The following TEX26 variants were observed in gnomAD, a reference collection of about 807,000 sequenced individuals.
The protein encoded by TEX26 is testis expressed 26, also known as testis-expressed protein 26.
A neutral mutation model predicts 35.3 loss-of-function variants in TEX26; 34 were observed. The ratio of observed to expected loss-of-function variants is 0.96; its 90% CI spans 0.73 to 1.28. The LOEUF (loss-of-function observed/expected upper bound fraction) is 1.28. Among genes scored for constraint, TEX26 ranks in the 50% most tolerant of loss-of-function variants. TEX26 has a pLI of 0.00. For missense variants in TEX26, 371 were observed against 330.1 expected, an observed-to-expected ratio of 1.12 and a Z score of -0.96; for synonymous variants, 136 against 111.8, an observed-to-expected ratio of 1.22 and a Z score of -1.36.
intron 2 of TEX26, among the ~76,000 whole-genome samples, chr13:30,947,824 G>T (rs540428271): frequency 2.2e-4 from 33 of 151,688 alleles, no homozygotes; most frequent in Middle Eastern, 3.4e-3. Context: ...GTGCCGTGTT[G>T]GTGTGCTGCA....
At chr13:30,957,088 T>C in intron 4 of TEX26, 59 bp downstream of exon 4, 1 of 1,549,132 alleles carries the variant, frequency 6.5e-7, no homozygotes, top group Non-Finnish European at 8.8e-7. Context: ...GGAGTTGCAG[T>C]GGTCGGCAGC....
intron 4 of TEX26, among the ~76,000 whole-genome samples, chr13:30,958,258 A>C (rs1227288771): frequency 6.6e-6 from 1 of 152,222 alleles, no homozygotes; most frequent in Non-Finnish European, 1.5e-5. Context: ...TCCAGAAATG[A>C]CATATTTGGT....
Position 30,932,732 on chromosome 13 carries a change from C to G in TEX26, c.17C>G (p.Pro6Arg). The G allele has an allele frequency of 3.1e-6, 5 of 1,613,758 alleles. No individual in the cohort carries two copies. The highest frequency in any genetic ancestry group is 4.2e-6 in the Non-Finnish European group (5 of 1,179,982). Reference protein sequence around the residue: MEQPGPRAPDPSLCHH... With the variant: MEQPGRRAPDPSLCHH... ...TGGGGCAGAATGGAACAGCCTGGGC[C>G]CAGGGCTCCGGATCCCTCTCTCTGC... Residue 6 changes from proline to arginine, a missense_variant, in exon 1 of 7, where the codon CCC becomes CGC. Pro to Arg is a moderately radical substitution (Grantham distance 103). Coordinates refer to ENST00000380473, the MANE Select transcript of TEX26 (RefSeq NM_152325.3).
intron 4 of TEX26, among the ~76,000 whole-genome samples, chr13:30,965,190 G>A (rs1289656985): frequency 2.0e-4 from 31 of 152,112 alleles, no homozygotes; most frequent in Admixed American, 2.0e-3. Context: ...GAGGCAACAT[G>A]TACTGGAATC....
intron 6 of TEX26, among the ~76,000 whole-genome samples, chr13:30,970,098 T>G (rs1488125308): frequency 6.6e-6 from 1 of 151,972 alleles, no homozygotes; most frequent in Admixed American, 6.6e-5. Context: ...ACCCTCGTTT[T>G]GGGGATCTCC....
chr13:30,973,939 C>T (rs1359044382), intron 6 of TEX26, among the ~76,000 whole-genome samples: 1 of 151,306 alleles, frequency 6.6e-6, no homozygotes, highest in Non-Finnish European at 1.5e-5. Context: ...CACTTGAGGT[C>T]AGGAGTCTGG....
At chr13:30,974,131 A>AAAAAAAATATATAT in intron 6 of TEX26, among the ~76,000 whole-genome samples, 14 of 84,406 alleles carry the variant, frequency 1.7e-4, no homozygotes, top group African/African-American at 6.2e-4. Flanking sequence ...AAAAAAAAAA[A>AAAAAAAATATATAT]ATATATATAT....
chr13:30,964,970 G>A (rs116397540), intron 4 of TEX26, among the ~76,000 whole-genome samples: 2,081 of 152,256 alleles, frequency 0.014, 44 homozygotes, highest in African/African-American at 0.047. Context: ...TTGCTTTTGC[G>A]GGGACACATT....
chr13:30,950,716 C>G (rs1042783741), intron 2 of TEX26, among the ~76,000 whole-genome samples: 1 of 152,194 alleles, frequency 6.6e-6, no homozygotes, highest in African/African-American at 2.4e-5. Flanking sequence ...CAACCCTTCA[C>G]TCTATAGAAA....
At chr13:30,936,544 T>C (rs912632992) in intron 1 of TEX26, among the ~76,000 whole-genome samples, 4 of 152,220 alleles carry the variant, frequency 2.6e-5, no homozygotes, top group Non-Finnish European at 5.9e-5. Flanking sequence ...CCGCATCTTC[T>C]CATCCAAGCA....
At chr13:30,955,189 G>A (rs1046844447) in intron 3 of TEX26, among the ~76,000 whole-genome samples, 2 of 152,086 alleles carry the variant, frequency 1.3e-5, no homozygotes, top group African/African-American at 4.8e-5. Flanking sequence ...AAATGAAATC[G>A]CAAAAATATC....
chr13:30,950,387 A>C (rs1212130654), intron 2 of TEX26, among the ~76,000 whole-genome samples: 1 of 152,184 alleles, frequency 6.6e-6, no homozygotes, highest in East Asian at 1.9e-4. Flanking sequence ...CAAATAAAAA[A>C]AAAAGGCAAG....
chr13:30,962,433 G>A (rs181037759), intron 4 of TEX26, among the ~76,000 whole-genome samples: 1 of 152,264 alleles, frequency 6.6e-6, no homozygotes, highest in Admixed American at 6.5e-5. Context: ...TCCCTGTGGA[G>A]CAGGTCTCCC....
chr13:30,956,839 T>C lies in TEX26; in HGVS notation c.313-34T>C, dbSNP rs371489369. On this transcript the variant is annotated intron_variant, in intron 3 of 6. Coordinates refer to ENST00000380473, the MANE Select transcript of TEX26 (RefSeq NM_152325.3). The stretch of plus-strand genomic sequence containing the variant: ...ATTGATCCTATTGGGTGAACCCATA[T>C]GGATTTTCTTGAAAATTATGTTTGC... 503 of 1,593,454 alleles carry C rather than the reference T, an allele frequency of 3.2e-4. 1 individual carries two copies. The highest frequency in any genetic ancestry group is 4.0e-4 in the Non-Finnish European group (469 of 1,161,838).
chr13:30,941,536 G>A (rs925131109), intron 2 of TEX26, among the ~76,000 whole-genome samples: 1 of 152,060 alleles, frequency 6.6e-6, no homozygotes, highest in African/African-American at 2.4e-5. Flanking sequence ...GGTGGTTTTT[G>A]GTTACATGGG....
intron 2 of TEX26, 33 bp from the exon 3 acceptor site, chr13:30,952,627 T>C (rs1439802085): frequency 6.5e-7 from 1 of 1,545,312 alleles, no homozygotes; most frequent in South Asian, 1.3e-5. Flanking sequence ...GTATTTAACC[T>C]CTAACTCTAA....
chr13:30,942,817 T>A (rs1229327053), intron 2 of TEX26, among the ~76,000 whole-genome samples: 12 of 152,132 alleles, frequency 7.9e-5, no homozygotes, highest in Non-Finnish European at 1.8e-4. Flanking sequence ...ATTTCTGGGT[T>A]CTCTATTCTG....
intron 1 of TEX26, 48 bp downstream of exon 1, chr13:30,932,824 C>A: frequency 6.3e-7 from 1 of 1,595,822 alleles, no homozygotes; most frequent in Non-Finnish European, 8.5e-7. Flanking sequence ...TGGGGTCTTT[C>A]CCGGGGAAAG....
At chr13:30,948,001 G>T (rs1402038507) in intron 2 of TEX26, among the ~76,000 whole-genome samples, 2 of 151,578 alleles carry the variant, frequency 1.3e-5, no homozygotes, top group Non-Finnish European at 1.5e-5. Context: ...TTGGTTTTTT[G>T]TCCCTGTGAT....
Sources: allele counts gnomAD v4.1 joint callset (sites outside exome capture counted in the v4.1 genomes callset), GRCh38; gene constraint gnomAD v4.1.1; transcripts MANE v1.5; gene names NCBI Gene and HGNC (gene_info 2026-07-23, HGNC 2026-07-21).